SGCG: variants seen among roughly 807,000 people sequenced by gnomAD.
SGCG encodes sarcoglycan gamma.
In SGCG, 26 loss-of-function variants were observed where a neutral mutation model predicts 29.3. The observed-to-expected ratio is 0.89, with a 90% CI of 0.65 to 1.23. The LOEUF (loss-of-function observed/expected upper bound fraction) is 1.23, where lower values mean the gene tolerates loss of function less well. Ranked by LOEUF, SGCG falls within the 50% of genes most tolerant of loss-of-function variation. The pLI, the probability that SGCG is intolerant of heterozygous loss-of-function variation, is 0.00. For missense variants in SGCG, 353 were observed against 356.0 expected (o/e 0.99, Z 0.07); for synonymous variants, 145 against 129.7 (o/e 1.12, Z -0.80).
rs185966237 is a variant in SGCG at position 23,228,973 on chromosome 13, C to T, written c.196-5638C>T. Among the ~76,000 whole-genome samples the T allele has an allele frequency of 3.2e-3, 481 of 152,286 alleles. 3 individuals are homozygous for T. Among genetic ancestry groups the T allele is most frequent in the African/African-American group, 0.011 (453 of 41,572 alleles). On this transcript the variant is annotated intron_variant, in intron 2 of 7. Transcript: ENST00000218867. ...GCAACCTCCACCTCCCGAGTTCAAGCGATTCTCCAGCCTCAGCCCCCGAGT... is the reference window on the plus strand; with the variant it reads ...GCAACCTCCACCTCCCGAGTTCAAGTGATTCTCCAGCCTCAGCCCCCGAGT...
intron 2 of SGCG, among the ~76,000 whole-genome samples, chr13:23,214,218 T>C (rs1477838890): frequency 1.3e-5 from 2 of 152,168 alleles, no homozygotes; most frequent in Admixed American, 6.5e-5. Flanking sequence ...GTTCCTGTTT[T>C]CCTACACATT....
intron 5 of SGCG, among the ~76,000 whole-genome samples, chr13:23,282,866 G>A (rs1220710366): frequency 3.3e-5 from 5 of 152,096 alleles, no homozygotes; most frequent in Non-Finnish European, 7.4e-5. Context: ...CCATTTAGTG[G>A]CATCCTTAGC....
chr13:23,161,119 G>C, the SGCG span, among the ~76,000 whole-genome samples: 1 of 152,150 alleles, frequency 6.6e-6, no homozygotes, highest in Non-Finnish European at 1.5e-5. Flanking sequence ...GGGGTTACTT[G>C]GGGGTTTTAG....
the SGCG span, among the ~76,000 whole-genome samples, chr13:23,166,515 TCC>T: frequency 2.6e-5 from 4 of 152,190 alleles, no homozygotes; most frequent in African/African-American, 9.7e-5. Flanking sequence ...AAGTTGTGAT[TCC>T]CTGTATTTGT....
chr13:23,279,915 G>A (rs1240478437), intron 5 of SGCG, among the ~76,000 whole-genome samples: 1 of 151,796 alleles, frequency 6.6e-6, no homozygotes, highest in Non-Finnish European at 1.5e-5. Flanking sequence ...TTTCGTAGAG[G>A]CAGGGTTTCT....
At chr13:23,263,901 C>T (rs773593441) in intron 4 of SGCG, among the ~76,000 whole-genome samples, 4 of 151,974 alleles carry the variant, frequency 2.6e-5, no homozygotes, top group Non-Finnish European at 5.9e-5. Context: ...AACCCTCAAC[C>T]AACTAGGCAT....
At chr13:23,195,695 T>C (rs1264812993) in intron 1 of SGCG, among the ~76,000 whole-genome samples, 1 of 152,034 alleles carries the variant, frequency 6.6e-6, no homozygotes, top group Non-Finnish European at 1.5e-5. Context: ...TGTGTGTGTA[T>C]AATAAGGGTA....
intron 1 of SGCG, among the ~76,000 whole-genome samples, chr13:23,190,035 A>G (rs992218747): frequency 3.3e-5 from 5 of 151,800 alleles, no homozygotes; most frequent in African/African-American, 1.2e-4. Flanking sequence ...TCTGCTATCA[A>G]ACTATTTTAA....
intron 6 of SGCG, among the ~76,000 whole-genome samples, chr13:23,306,331 TA>T (rs1882360746): frequency 6.6e-6 from 1 of 152,242 alleles, no homozygotes; most frequent in Non-Finnish European, 1.5e-5. Context: ...ATGAAATTTT[TA>T]AAGACAGTGT....
At chr13:23,276,086 T>C (rs979592009) in intron 4 of SGCG, among the ~76,000 whole-genome samples, 1 of 152,164 alleles carries the variant, frequency 6.6e-6, no homozygotes. Flanking sequence ...AGATAGCTCT[T>C]TTCTTATCAA....
chr13:23,290,789 T>TATAATA (rs200257385), intron 5 of SGCG, among the ~76,000 whole-genome samples: 1 of 152,158 alleles, frequency 6.6e-6, no homozygotes, highest in South Asian at 2.1e-4. Context: ...GTCTGAGATA[T>TATAATA]ATATTACTGT....
intron 2 of SGCG, among the ~76,000 whole-genome samples, chr13:23,204,636 C>T (rs12866724): frequency 3.5e-5 from 4 of 113,290 alleles, no homozygotes; most frequent in Non-Finnish European, 7.4e-5. Flanking sequence ...CCTTTCTTTC[C>T]TTTCTTTCTC....
upstream of SGCG, among the ~76,000 whole-genome samples, chr13:23,179,334 G>C (rs957807786): frequency 6.6e-6 from 1 of 152,168 alleles, no homozygotes; most frequent in Non-Finnish European, 1.5e-5. Context: ...AGTATTAAAT[G>C]AATCTGTAAA....
intron 4 of SGCG, among the ~76,000 whole-genome samples, chr13:23,251,064 G>A (rs1304806175): frequency 6.6e-6 from 1 of 152,186 alleles, no homozygotes; most frequent in Non-Finnish European, 1.5e-5. Context: ...ACCAGTGGCT[G>A]AGAGCCACGA....
intron 2 of SGCG, among the ~76,000 whole-genome samples, chr13:23,218,410 A>C (rs1374235618): frequency 6.6e-6 from 1 of 152,164 alleles, no homozygotes; most frequent in East Asian, 1.9e-4. Flanking sequence ...GTTGGTGGGG[A>C]TATAAACTGG....
At chr13:23,165,102 C>A in the SGCG span, among the ~76,000 whole-genome samples, 1 of 152,178 alleles carries the variant, frequency 6.6e-6, no homozygotes, top group African/African-American at 2.4e-5. Flanking sequence ...GAGATGGCAG[C>A]TACACTTATG....
At chr13:23,201,078 C>T (rs1484923860) in intron 1 of SGCG, among the ~76,000 whole-genome samples, 2 of 152,124 alleles carry the variant, frequency 1.3e-5, no homozygotes, top group Non-Finnish European at 2.9e-5. Context: ...TAGAAATGGA[C>T]TGTAGGAGAT....
At chr13:23,269,267 A>G (rs1383549482) in intron 4 of SGCG, 1 of 152,236 alleles carries the variant, frequency 6.6e-6, no homozygotes, top group Admixed American at 6.5e-5. Flanking sequence ...GTACAGAGAT[A>G]AGATATTTTT....
chr13:23,219,037 T>C (rs1878548803), intron 2 of SGCG, among the ~76,000 whole-genome samples: 1 of 149,310 alleles, frequency 6.7e-6, no homozygotes, highest in Non-Finnish European at 1.5e-5. Context: ...TTATATGCTA[T>C]ATATTTTTAT....
Sources: allele counts gnomAD v4.1 joint callset (sites outside exome capture counted in the v4.1 genomes callset), GRCh38; gene constraint gnomAD v4.1.1; transcripts MANE v1.5; gene names NCBI Gene and HGNC (gene_info 2026-07-23, HGNC 2026-07-21).